CHCHD6: variants seen among roughly 807,000 people sequenced by gnomAD.
CHCHD6 encodes the protein coiled-coil-helix-coiled-coil-helix domain containing 6.
Under a neutral mutation model 32.3 loss-of-function variants are expected in CHCHD6, and 28 were observed. The observed-to-expected ratio is 0.87, with a 90% CI of 0.64 to 1.19. The LOEUF (loss-of-function observed/expected upper bound fraction) is 1.19, where lower values mean the gene tolerates loss of function less well. Among genes scored for constraint, CHCHD6 ranks in the 50% most tolerant of loss-of-function variants. CHCHD6 has a pLI of 0.00. For synonymous variants in CHCHD6, 122 were observed against 117.5 expected, an observed-to-expected ratio of 1.04 and a Z score of -0.25; for missense variants, 333 against 307.0, an observed-to-expected ratio of 1.08 and a Z score of -0.63.
chr3:126,849,299 G>T (rs923255515), intron 4 of CHCHD6, among the ~76,000 whole-genome samples: 2 of 152,246 alleles, frequency 1.3e-5, no homozygotes, highest in African/African-American at 4.8e-5. Flanking sequence ...CTCCAGACTT[G>T]GAGCCAGCAG....
intron 5 of CHCHD6, among the ~76,000 whole-genome samples, chr3:126,908,962 C>T (rs1365604107): frequency 6.6e-6 from 1 of 152,228 alleles, no homozygotes; most frequent in Non-Finnish European, 1.5e-5. Context: ...GGCGGTCTGA[C>T]CACGGCATGC....
intron 1 of CHCHD6, among the ~76,000 whole-genome samples, chr3:126,710,374 G>A (rs1934694164): frequency 6.6e-6 from 1 of 152,106 alleles, no homozygotes; most frequent in Non-Finnish European, 1.5e-5. Flanking sequence ...GGACGTGTAA[G>A]GCCTCTAACT....
At chr3:126,803,778 C>T (rs1015008678) in intron 4 of CHCHD6, among the ~76,000 whole-genome samples, 1 of 152,152 alleles carries the variant, frequency 6.6e-6, no homozygotes, top group Non-Finnish European at 1.5e-5. Context: ...CAGCACCACA[C>T]CACACCTATT....
chr3:126,916,566 G>T (rs1339878305), intron 6 of CHCHD6, among the ~76,000 whole-genome samples: 3 of 152,324 alleles, frequency 2.0e-5, no homozygotes, highest in African/African-American at 7.2e-5. Flanking sequence ...GGGCCTGAGT[G>T]AGTAAGCACC....
At chr3:126,829,018 C>G (rs186489377) in intron 4 of CHCHD6, among the ~76,000 whole-genome samples, 5 of 152,150 alleles carry the variant, frequency 3.3e-5, no homozygotes, top group Non-Finnish European at 7.4e-5. Flanking sequence ...CTGCTTACTT[C>G]GGGTTTAATT....
chr3:126,913,244 TGGGAGACGGAG>T (rs2078121538), intron 5 of CHCHD6, among the ~76,000 whole-genome samples: 92 of 93,622 alleles, frequency 9.8e-4, no homozygotes, highest in African/African-American at 2.8e-3. Flanking sequence ...TTTTTTTTTT[TGGGAGACGGAG>T]TTTCACTTTT....
chr3:126,930,100 G>C (rs10934795), intron 6 of CHCHD6, among the ~76,000 whole-genome samples: 88,074 of 152,074 alleles, frequency 0.58, 26,892 homozygotes, highest in Non-Finnish European at 0.68. Flanking sequence ...GTCTGGAGCT[G>C]TCAGGCCGCT....
intron 4 of CHCHD6, among the ~76,000 whole-genome samples, chr3:126,786,073 C>T (rs188349856): frequency 1.1e-4 from 16 of 152,184 alleles, no homozygotes; most frequent in Admixed American, 2.6e-4. Context: ...TGAGAACATG[C>T]GGTGTTTGGT....
intron 5 of CHCHD6, among the ~76,000 whole-genome samples, chr3:126,892,941 T>G (rs922259938): frequency 2.0e-4 from 30 of 151,740 alleles, no homozygotes; most frequent in East Asian, 9.8e-4. Flanking sequence ...TTTTTCTTTT[T>G]TTGTTGTTGT....
At chr3:126,731,800 TGTG>T (rs1935814767) in intron 3 of CHCHD6, among the ~76,000 whole-genome samples, 1 of 152,034 alleles carries the variant, frequency 6.6e-6, no homozygotes. Flanking sequence ...CCTGGCCAGG[TGTG>T]GTGGCTCAAT....
chr3:126,818,349 G>A (rs965394321), intron 4 of CHCHD6, among the ~76,000 whole-genome samples: 2 of 152,150 alleles, frequency 1.3e-5, no homozygotes, highest in Non-Finnish European at 2.9e-5. Flanking sequence ...TCTGTGCTCT[G>A]TAAACTCCTG....
At chr3:126,820,319 A>G (rs1576456022) in intron 4 of CHCHD6, among the ~76,000 whole-genome samples, 2 of 152,230 alleles carry the variant, frequency 1.3e-5, no homozygotes, top group African/African-American at 4.8e-5. Context: ...AGGTGTAATC[A>G]TGACCTGGAT....
chr3:126,808,770 C>G (rs1426775754), intron 4 of CHCHD6, among the ~76,000 whole-genome samples: 1 of 152,130 alleles, frequency 6.6e-6, no homozygotes, highest in Non-Finnish European at 1.5e-5. Flanking sequence ...TCAAAACTCT[C>G]CCCAAGTTGC....
intron 5 of CHCHD6, among the ~76,000 whole-genome samples, chr3:126,863,842 T>C (rs1942092250): frequency 7.1e-6 from 1 of 141,452 alleles, no homozygotes; most frequent in Non-Finnish European, 1.5e-5. Context: ...CACCACCTCC[T>C]CCTCCACCAT....
chr3:126,848,977 A>G (rs957557658), intron 4 of CHCHD6, among the ~76,000 whole-genome samples: 7 of 152,214 alleles, frequency 4.6e-5, no homozygotes, highest in African/African-American at 1.7e-4. Context: ...TCAGTGCAGG[A>G]CGAGGTCTGA....
At chr3:126,770,061 C>G (rs1296771245) in intron 4 of CHCHD6, among the ~76,000 whole-genome samples, 1 of 152,032 alleles carries the variant, frequency 6.6e-6, no homozygotes, top group African/African-American at 2.4e-5. Flanking sequence ...TTTTTTACCT[C>G]CTTGGTTACG....
chr3:126,917,610 C>A (rs2078190288), intron 6 of CHCHD6, among the ~76,000 whole-genome samples: 1 of 152,212 alleles, frequency 6.6e-6, no homozygotes, highest in Non-Finnish European at 1.5e-5. Context: ...ATGTCAACAA[C>A]TGTTGTTGAT....
At chr3:126,856,147 A>C (rs923923961) in intron 5 of CHCHD6, among the ~76,000 whole-genome samples, 9 of 152,068 alleles carry the variant, frequency 5.9e-5, no homozygotes, top group African/African-American at 1.5e-4. Flanking sequence ...AACAAACAAA[A>C]AAAATCACAA....
rs1461018990 is a variant in CHCHD6, at chr3:126,804,618, G to T, written c.412-48029G>T. Among the ~76,000 whole-genome samples, 5 of 152,234 alleles carry T rather than the reference G, an allele frequency of 3.3e-5. No homozygotes were observed. In the East Asian group the frequency reaches 9.7e-4, roughly 29 times the overall value. ...TCGAGGACCAGACGGATTCACAGAG[G>T]TATAAGGAGGAACTGGTACCATTCC... On this transcript the variant is annotated intron_variant, in intron 4 of 7. Transcript: ENST00000290913.
Sources: allele counts gnomAD v4.1 joint callset (sites outside exome capture counted in the v4.1 genomes callset), GRCh38; gene constraint gnomAD v4.1.1; transcripts MANE v1.5; gene names NCBI Gene and HGNC (gene_info 2026-07-23, HGNC 2026-07-21).